The following RNF149 variants were observed in gnomAD, a reference collection of about 807,000 sequenced individuals.
RNF149 encodes the protein ring finger protein 149, also known as E3 ubiquitin-protein ligase RNF149.
A neutral mutation model predicts 39.0 loss-of-function variants in RNF149; 21 were observed. That is an observed-to-expected ratio of 0.54 (90% CI 0.38 to 0.77). The LOEUF (loss-of-function observed/expected upper bound fraction) is 0.77, where lower values mean the gene tolerates loss of function less well. Among genes scored for constraint, RNF149 ranks in the 30% least tolerant of loss-of-function variants. The pLI is 0.00. For synonymous variants in RNF149, 209 were observed against 213.6 expected (o/e 0.98, Z 0.19); for missense variants, 493 against 534.9 (o/e 0.92, Z 0.77).
chr2:101,282,145 A>C lies in RNF149; in HGVS notation c.961-88T>G, dbSNP rs1310315049. On this transcript the variant is annotated intron_variant, in intron 5 of 6. Transcript: ENST00000295317. ...ATCATCTGGCTCGTAATTCACACAC[A>C]ATATTACGTACTTCTGTACAATGAA... 2.0e-6 allele frequency: 3 copies of C among 1,534,888 alleles called. No individual in the cohort carries two copies. In the African/African-American group the frequency reaches 4.1e-5, roughly 21 times the overall value.
Position 101,306,723 on chromosome 2 carries a change from T to A in RNF149, c.460+1406A>T, listed in dbSNP as rs1573271579. Among the ~76,000 whole-genome samples, 4 of 152,318 alleles carry A rather than the reference T, an allele frequency of 2.6e-5. No homozygotes were observed. The East Asian group carries it at 5.8e-4, about 22-fold the overall frequency. ...CCTCTGCATCTCCCTCAGTCTTCAATCTTCTTGAAAGAGTTGTCCTAACAG... is the reference window on the plus strand; with the variant it reads ...CCTCTGCATCTCCCTCAGTCTTCAAACTTCTTGAAAGAGTTGTCCTAACAG... On this transcript the variant is annotated intron_variant, in intron 1 of 6. Transcript: ENST00000295317.
At chr2:101,277,671 G>A (rs1236167650) in intron 6 of RNF149, among the ~76,000 whole-genome samples, 1 of 152,198 alleles carries the variant, frequency 6.6e-6, no homozygotes, top group African/African-American at 2.4e-5. Context: ...TTACAGGCAT[G>A]AGCCACCGCG....
chr2:101,272,675 C>T (rs758615888), downstream of RNF149, among the ~76,000 whole-genome samples: 17 of 152,152 alleles, frequency 1.1e-4, no homozygotes, highest in Non-Finnish European at 1.9e-4. Flanking sequence ...ATATAATTAC[C>T]TCAAGTTCTA....
chr2:101,299,976 C>T (rs1218096862), intron 1 of RNF149, among the ~76,000 whole-genome samples: 1 of 152,246 alleles, frequency 6.6e-6, no homozygotes, highest in Non-Finnish European at 1.5e-5. Flanking sequence ...CACTGTTATC[C>T]ACTGCCTGGG....
intron 1 of RNF149, among the ~76,000 whole-genome samples, chr2:101,295,534 G>A (rs570198103): frequency 2.6e-5 from 4 of 151,892 alleles, no homozygotes; most frequent in East Asian, 3.9e-4. Flanking sequence ...GGTGGTGTGC[G>A]CCTGTAATCC....
At chr2:101,273,059 G>C (rs1479352908), downstream of RNF149, 7 of 1,356,874 alleles carry the variant, frequency 5.2e-6, no homozygotes, top group Non-Finnish European at 6.9e-6. Context: ...TAGCTGGAGG[G>C]AGCAGTCTTC....
intron 1 of RNF149, among the ~76,000 whole-genome samples, chr2:101,299,942 CCAGA>C (rs1212025639): frequency 5.3e-4 from 80 of 152,308 alleles, no homozygotes; most frequent in African/African-American, 1.9e-3. Flanking sequence ...GGCTTCACAG[CCAGA>C]CAGACCTGGG....
At chr2:101,290,729 T>C (rs1232202135) in intron 3 of RNF149, among the ~76,000 whole-genome samples, 1 of 152,230 alleles carries the variant, frequency 6.6e-6, no homozygotes, top group Non-Finnish European at 1.5e-5. Context: ...GTTACCATTT[T>C]TCATCTAACT....
In RNF149 at chr2:101,308,323, C is replaced by A; in HGVS notation, c.266G>T (p.Gly89Val). The change falls in exon 1 of 7, where the codon GGC becomes GTC. Residue 89 changes from glycine to valine, a missense_variant. Gly to Val is a moderately radical substitution (Grantham distance 109). Transcript: ENST00000295317. ...VPWAPGGDLE[G>V]CAPDTRFFVP... ...GAAGAAGCGCGTGTCGGGCGCGCAG[C>A]CCTCGAGGTCTCCGCCGGGCGCCCA... 2 of 1,592,036 alleles carry A rather than the reference C, an allele frequency of 1.3e-6. No individual in the cohort carries two copies. The highest frequency in any genetic ancestry group is 8.5e-7 in the Non-Finnish European group (1 of 1,172,288).
intron 1 of RNF149, among the ~76,000 whole-genome samples, chr2:101,296,129 A>G (rs570259825): frequency 5.9e-5 from 9 of 152,282 alleles, no homozygotes; most frequent in Admixed American, 3.3e-4. Flanking sequence ...ATGAAAAACA[A>G]ACAAAAAACT....
At chr2:101,281,140 TATAC>T (rs763732799) in intron 6 of RNF149, among the ~76,000 whole-genome samples, 44 of 152,344 alleles carry the variant, frequency 2.9e-4, no homozygotes, top group Non-Finnish European at 5.3e-4. Flanking sequence ...CATAAGTATA[TATAC>T]ATAATGATTT....
intron 5 of RNF149, among the ~76,000 whole-genome samples, chr2:101,285,623 C>T (rs1361910596): frequency 1.3e-5 from 2 of 152,172 alleles, no homozygotes; most frequent in Non-Finnish European, 2.9e-5. Context: ...AAAGTCAATG[C>T]AGGACAAACT....
At chr2:101,282,153 G>T in intron 5 of RNF149, 96 bp from the exon 6 acceptor site, 1 of 1,495,378 alleles carries the variant, frequency 6.7e-7, no homozygotes, top group Non-Finnish European at 8.9e-7. Context: ...ACAATATTAC[G>T]TACTTCTGTA....
At chr2:101,303,014 A>AAACC (rs1442423262) in intron 1 of RNF149, among the ~76,000 whole-genome samples, 1 of 151,878 alleles carries the variant, frequency 6.6e-6, no homozygotes, top group Non-Finnish European at 1.5e-5. Flanking sequence ...CAAAACCCCA[A>AAACC]AACCAACCAA....
chr2:101,303,879 C>G (rs1214157622), intron 1 of RNF149, among the ~76,000 whole-genome samples: 1 of 152,204 alleles, frequency 6.6e-6, no homozygotes, highest in African/African-American at 2.4e-5. Context: ...TAGCTCCAAG[C>G]CTTGCCAGTA....
Position 101,293,007 on chromosome 2 carries a change from C to A in RNF149, c.780+1007G>T, listed in dbSNP as rs1392591364. On this transcript the variant is annotated intron_variant, in intron 3 of 6. Coordinates refer to ENST00000295317, the MANE Select transcript of RNF149 (RefSeq NM_173647.4). ...TTTTTTTTTTACTTTTTCTGTTCAA[C>A]ACATTTGTATGGAAAGAAAATAATA... Among the ~76,000 whole-genome samples the A allele has an allele frequency of 1.8e-4, 25 of 136,682 alleles. No individual in the cohort carries two copies. The East Asian group carries it at 2.3e-3, about 13-fold the overall frequency. 89.7% of individuals were successfully genotyped at this position (136,682 alleles called of 152,430 possible).
chr2:101,281,935 T>C lies in RNF149; in HGVS notation c.1083A>G (p.Ser361=), dbSNP rs971593078. 6.2e-7 allele frequency: 1 copy of C among 1,613,910 alleles called. No individual in the cohort carries two copies. Among genetic ancestry groups the C allele is most frequent in the African/African-American group, 1.3e-5 (1 of 74,892 alleles). Residue 361 remains serine (S), a synonymous_variant, in exon 6 of 7, where the codon TCA becomes TCG. Transcript: ENST00000295317. ...GTGGCTCAGATTCAGCAGGGGAGGC[T>C]GATGGTGGACTGCTGTCATCACTTC... ...DDGSDDSSPP[S]ASPAESEPQC... is the part of the protein sequence containing the mutation.
At chr2:101,298,807 G>C (rs983165908) in intron 1 of RNF149, among the ~76,000 whole-genome samples, 4 of 152,168 alleles carry the variant, frequency 2.6e-5, no homozygotes, top group Non-Finnish European at 4.4e-5. Flanking sequence ...AGGCTGGGGG[G>C]TCTTATTTGC....
rs1449036252 is a variant in RNF149, at chr2:101,294,975, A to T, written c.667T>A (p.Tyr223Asn). ...CCAGTATATAGGAAACGCTGTATAT[A>T]GTAAAATATTAGCCAGGCTAACGAG... is the stretch of plus-strand genomic sequence containing the variant. ...IISLAWLIFY[Y>N]IQRFLYTGSQ... The change falls in exon 2 of 7, where the codon TAT (tyrosine) becomes AAT (asparagine). Residue 223 changes from tyrosine to asparagine, a missense_variant. Transcript: ENST00000295317. 1 of 1,613,766 alleles carries T rather than the reference A, an allele frequency of 6.2e-7. No homozygotes were observed. Among genetic ancestry groups the T allele is most frequent in the Non-Finnish European group, 8.5e-7 (1 of 1,179,622 alleles).
Sources: allele counts gnomAD v4.1 joint callset (sites outside exome capture counted in the v4.1 genomes callset), GRCh38; gene constraint gnomAD v4.1.1; transcripts MANE v1.5; gene names NCBI Gene and HGNC (gene_info 2026-07-23, HGNC 2026-07-21).